SRC: variants seen among roughly 807,000 people sequenced by gnomAD.
SRC encodes the protein proto-oncogene tyrosine-protein kinase Src.
Under a neutral mutation model 62.9 loss-of-function variants are expected in SRC, and 13 were observed. The ratio of observed to expected loss-of-function variants is 0.21; its 90% CI spans 0.13 to 0.33. The LOEUF (loss-of-function observed/expected upper bound fraction) is 0.33. SRC is among the 10% of genes least tolerant of loss of function. The pLI, the probability that SRC is intolerant of heterozygous loss-of-function variation, is 1.00. For missense variants in SRC, 457 were observed against 737.3 expected (o/e 0.62, Z 4.40); for synonymous variants, 302 against 317.5 (o/e 0.95, Z 0.52).
At chr20:37,382,189 G>A (rs1012642221) in intron 2 of SRC, among the ~76,000 whole-genome samples, 1 of 151,728 alleles carries the variant, frequency 6.6e-6, no homozygotes, top group Non-Finnish European at 1.5e-5. Context: ...CCTCCCTGGT[G>A]TGTCCAGAAT....
intron 2 of SRC, among the ~76,000 whole-genome samples, chr20:37,368,838 A>G (rs1410680399): frequency 2.0e-5 from 3 of 152,002 alleles, no homozygotes; most frequent in Admixed American, 1.3e-4. Flanking sequence ...GGCGTGAGCC[A>G]CCGCGCCCGG....
At chr20:37,388,887 G>A (rs536712518) in intron 5 of SRC, among the ~76,000 whole-genome samples, 5 of 152,196 alleles carry the variant, frequency 3.3e-5, no homozygotes, top group South Asian at 4.2e-4. Context: ...ACCTCATCCC[G>A]GGGACCCGCC....
chr20:37,358,903 G>A (rs1010743721), intron 1 of SRC, among the ~76,000 whole-genome samples: 23 of 152,254 alleles, frequency 1.5e-4, no homozygotes, highest in African/African-American at 5.3e-4. Context: ...GAGCATGTTC[G>A]CGCCGCGGAC....
At chr20:37,348,153 C>T (rs1270206387) in intron 1 of SRC, among the ~76,000 whole-genome samples, 2 of 152,200 alleles carry the variant, frequency 1.3e-5, no homozygotes, top group Middle Eastern at 6.3e-3. Flanking sequence ...TCTGCCCTTG[C>T]CCCGCCAGGC....
At chr20:37,352,811 C>T (rs1413229994) in intron 1 of SRC, among the ~76,000 whole-genome samples, 5 of 152,270 alleles carry the variant, frequency 3.3e-5, no homozygotes, top group East Asian at 1.9e-4. Flanking sequence ...CCGGGGTTAT[C>T]GGGCCGTACA....
intron 10 of SRC, 37 bp from the exon 11 acceptor site, chr20:37,401,565 C>T: frequency 6.5e-7 from 1 of 1,549,668 alleles, no homozygotes; most frequent in Non-Finnish European, 8.9e-7. Flanking sequence ...GGCAGAGGGA[C>T]AGGGCAGGAG....
intron 5 of SRC, among the ~76,000 whole-genome samples, chr20:37,390,192 G>T (rs970195266): frequency 1.3e-5 from 2 of 152,184 alleles, no homozygotes; most frequent in Non-Finnish European, 2.9e-5. Flanking sequence ...TTTTACATAT[G>T]AGGAAACTAA....
chr20:37,362,171 C>T (rs1000942406), intron 1 of SRC, among the ~76,000 whole-genome samples: 1 of 152,012 alleles, frequency 6.6e-6, no homozygotes, highest in African/African-American at 2.4e-5. Context: ...CCTCCCACCT[C>T]GGCTTCCTGA....
At chr20:37,372,139 C>T (rs1209595608) in intron 2 of SRC, among the ~76,000 whole-genome samples, 3 of 152,050 alleles carry the variant, frequency 2.0e-5, no homozygotes, top group Non-Finnish European at 2.9e-5. Context: ...CTGGGACTAC[C>T]GGCAGGTGCC....
At chr20:37,373,227 C>A (rs1265438846) in intron 2 of SRC, among the ~76,000 whole-genome samples, 4 of 146,600 alleles carry the variant, frequency 2.7e-5, no homozygotes, top group Non-Finnish European at 4.4e-5. Flanking sequence ...TACATACGTA[C>A]ACACATGCAC....
Position 37,373,283 on chromosome 20 carries a change from C to G in SRC, c.-173+8006C>G, listed in dbSNP as rs533107543. 3.9e-3 allele frequency among the ~76,000 whole-genome samples: 557 copies of G among 144,380 alleles called. 6 individuals carry two copies. The highest frequency in any genetic ancestry group is 0.014 in the African/African-American group (532 of 39,332). 94.7% of individuals were successfully genotyped at this position (144,380 alleles called of 152,430 possible). A position where few individuals can be genotyped will look rare whatever the true frequency, so the allele number is the denominator to read the frequency against. On this transcript the variant is annotated intron_variant, in intron 2 of 13. Coordinates refer to ENST00000373578, the MANE Select transcript of SRC (RefSeq NM_198291.3). ...ATGTACATACGCACACACACACACA[C>G]ATATTACATATGTACACATGCACAC...
chr20:37,403,537 C>T lies in SRC; in HGVS notation c.*158C>T. The T allele has an allele frequency of 1.2e-6, 1 of 850,968 alleles. No individual in the cohort carries two copies. Among genetic ancestry groups the T allele is most frequent in the African/African-American group, 1.7e-5 (1 of 58,608 alleles). The allele number at this position is 850,968 out of a possible 1,614,324, so 52.7% of individuals were successfully genotyped here. ...TTCCTCTTTGGTGGCATGGAAGGGGCTTCTGGACCTAGGGTGGCCTGAGAG... is the reference window on the plus strand; with the variant it reads ...TTCCTCTTTGGTGGCATGGAAGGGGTTTCTGGACCTAGGGTGGCCTGAGAG... On this transcript the variant is annotated 3_prime_UTR_variant, in exon 14 of 14. Transcript: ENST00000373578. This position sits in a 1 kb window ranked among gnomAD's most constrained non-coding sequence, Gnocchi z 7.1.
At chr20:37,357,444 C>T (rs2069900938) in intron 1 of SRC, among the ~76,000 whole-genome samples, 1 of 152,252 alleles carries the variant, frequency 6.6e-6, no homozygotes. Context: ...TGATCAGGTA[C>T]TCACTCCATG....
intron 7 of SRC, among the ~76,000 whole-genome samples, chr20:37,395,463 G>A (rs1444660262): frequency 1.1e-4 from 17 of 152,354 alleles, no homozygotes; most frequent in Admixed American, 9.8e-4. Context: ...TCCTACCCAG[G>A]CCTGCTGGAT....
Position 37,398,091 on chromosome 20 carries a change from T to G in SRC, c.859+237T>G, listed in dbSNP as rs1601017540. Among the ~76,000 whole-genome samples the G allele has an allele frequency of 6.6e-6, 1 of 152,314 alleles. No individual in the cohort carries two copies. Among genetic ancestry groups the G allele is most frequent in the Non-Finnish European group, 1.5e-5 (1 of 68,022 alleles). On this transcript the variant is annotated intron_variant, in intron 9 of 13. Transcript: ENST00000373578. This position sits in a 1 kb window ranked among gnomAD's most constrained non-coding sequence, Gnocchi z 5.2. ...CCAAGATCCGCACAGGGCTGGGCATTGCACAGACCTGCTGTGTAGGCTGGG... is the reference window on the plus strand; with the variant it reads ...CCAAGATCCGCACAGGGCTGGGCATGGCACAGACCTGCTGTGTAGGCTGGG...
chr20:37,364,057 C>G (rs1427727811), intron 1 of SRC, among the ~76,000 whole-genome samples: 1 of 152,148 alleles, frequency 6.6e-6, no homozygotes, highest in Non-Finnish European at 1.5e-5. Flanking sequence ...CCCTGCCCCG[C>G]CTCCCACCTC....
intron 7 of SRC, among the ~76,000 whole-genome samples, chr20:37,395,872 A>G (rs1277710854): frequency 6.6e-6 from 1 of 152,254 alleles, no homozygotes; most frequent in Non-Finnish European, 1.5e-5. Flanking sequence ...TGAGGCCCAG[A>G]TAGGGCCAGC....
chr20:37,354,324 G>A (rs1260224278), intron 1 of SRC, among the ~76,000 whole-genome samples: 1 of 152,106 alleles, frequency 6.6e-6, no homozygotes, highest in Non-Finnish European at 1.5e-5. Flanking sequence ...GCTTCCCCTC[G>A]CTGAGGCTCA....
At chr20:37,349,666 C>G (rs946236874) in intron 1 of SRC, among the ~76,000 whole-genome samples, 1 of 152,206 alleles carries the variant, frequency 6.6e-6, no homozygotes, top group African/African-American at 2.4e-5. Flanking sequence ...GCCCTGCTAG[C>G]TCTGTGGTCA....
Sources: allele counts gnomAD v4.1 joint callset (sites outside exome capture counted in the v4.1 genomes callset), GRCh38; gene constraint gnomAD v4.1.1; non-coding constraint Gnocchi (gnomAD v3.1); transcripts MANE v1.5; gene names NCBI Gene and HGNC (gene_info 2026-07-23, HGNC 2026-07-21).